Variants in MYRIP observed in about 807,000 individuals in gnomAD.
MYRIP encodes the protein rab effector MyRIP.
MYRIP carries 49 observed loss-of-function variants against 98.0 expected under a neutral mutation model. The observed-to-expected ratio is 0.50, with a 90% CI of 0.40 to 0.63. The LOEUF is 0.63. Among genes scored for constraint, MYRIP ranks in the 30% least tolerant of loss-of-function variants. MYRIP has a pLI of 0.00. For synonymous variants in MYRIP, 404 were observed against 409.5 expected (o/e 0.99, Z 0.16); for missense variants, 1,004 against 1,058.2 (o/e 0.95, Z 0.71).
intron 16 of MYRIP, among the ~76,000 whole-genome samples, chr3:40,254,288 A>G (rs1953496791): frequency 1.3e-5 from 2 of 152,110 alleles, no homozygotes; most frequent in African/African-American, 4.8e-5. Context: ...GAAGTACACA[A>G]TTTTCATGTA....
chr3:40,176,438 T>C (rs995350747), intron 8 of MYRIP, among the ~76,000 whole-genome samples: 3 of 152,066 alleles, frequency 2.0e-5, no homozygotes, highest in Middle Eastern at 3.2e-3. Context: ...GAAGAAGACA[T>C]GAACAAACAG....
intron 3 of MYRIP, among the ~76,000 whole-genome samples, chr3:40,100,402 T>C (rs985902157): frequency 1.3e-5 from 2 of 152,200 alleles, no homozygotes; most frequent in African/African-American, 2.4e-5. Context: ...ATTTTGTACA[T>C]TTTTTAGCAT....
chr3:39,981,100 T>C (rs1231333449), intron 2 of MYRIP, among the ~76,000 whole-genome samples: 1 of 152,216 alleles, frequency 6.6e-6, no homozygotes, highest in East Asian at 1.9e-4. Flanking sequence ...TGGAATTTTG[T>C]ATTAGGTTAA....
At chr3:40,214,349 G>A (rs1466159365) in intron 11 of MYRIP, among the ~76,000 whole-genome samples, 5 of 152,206 alleles carry the variant, frequency 3.3e-5, no homozygotes, top group African/African-American at 4.8e-5. Context: ...GGATATGCCC[G>A]TAGACACAGT....
intron 2 of MYRIP, among the ~76,000 whole-genome samples, chr3:39,957,656 A>T (rs943939063): frequency 6.6e-6 from 1 of 152,158 alleles, no homozygotes; most frequent in East Asian, 1.9e-4. Context: ...CCTATTCAAC[A>T]TAGTGTTGGA....
rs545481106 is a variant in MYRIP at position 40,249,360 on chromosome 3, G to A, written c.2263-862G>A. ...TCCTCTCAGACTGTGGCAATGTGAC[G>A]AGAGCATGGCCACTGACATGAATTC... On this transcript the variant is annotated intron_variant, in intron 13 of 16. Coordinates refer to ENST00000302541, the MANE Select transcript of MYRIP (RefSeq NM_015460.4). Among the ~76,000 whole-genome samples the A allele has an allele frequency of 1.8e-3, 275 of 152,286 alleles. 1 individual carries two copies. The highest frequency in any genetic ancestry group is 0.017 in the Middle Eastern group (5 of 294).
chr3:40,253,044 T>C (rs1953430582), intron 16 of MYRIP, among the ~76,000 whole-genome samples: 1 of 152,186 alleles, frequency 6.6e-6, no homozygotes, highest in African/African-American at 2.4e-5. Flanking sequence ...GTAAGTAACA[T>C]GAAGACATTC....
Position 40,060,596 on chromosome 3 carries a change from T to TGAGAGAGAGAGAGAGAGA in MYRIP, c.332+16330_332+16347dup, listed in dbSNP as rs35495297. Reference sequence around the variant, plus strand: ...TAGATTTTCTTTTTTTTTCTTTTTTTGAGAGAGAGAGAGAGAGAGAGATTC... The same window carrying TGAGAGAGAGAGAGAGAGA: ...TAGATTTTCTTTTTTTTTCTTTTTTTGAGAGAGAGAGAGAGAGAGAGAGAGAGAGAGAGAGAGAGATTC... On this transcript the variant is annotated intron_variant, in intron 3 of 16. Transcript: ENST00000302541. Among the ~76,000 whole-genome samples, 1,259 of 138,836 alleles carry TGAGAGAGAGAGAGAGAGA rather than the reference T, an allele frequency of 9.1e-3. 20 individuals are homozygous for TGAGAGAGAGAGAGAGAGA. The highest frequency in any genetic ancestry group is 0.019 in the African/African-American group (728 of 37,418). 91.1% of individuals were successfully genotyped at this position (138,836 alleles called of 152,430 possible). A position where few individuals can be genotyped will look rare whatever the true frequency, so the allele number is the denominator to read the frequency against.
chr3:40,078,402 C>T (rs915139351), intron 3 of MYRIP, among the ~76,000 whole-genome samples: 3 of 152,200 alleles, frequency 2.0e-5, no homozygotes, highest in South Asian at 2.1e-4. Context: ...CCTCAAGTGC[C>T]GCCAAAGTGG....
At chr3:40,098,487 C>T (rs1948873459) in intron 3 of MYRIP, among the ~76,000 whole-genome samples, 1 of 152,180 alleles carries the variant, frequency 6.6e-6, no homozygotes, top group Non-Finnish European at 1.5e-5. Flanking sequence ...TGTTTATCTG[C>T]AGATCCTTTT....
rs576213902 is a variant in MYRIP at position 40,244,429 on chromosome 3, T to C, written c.2101-17T>C. 1.6e-5 allele frequency: 26 copies of C among 1,598,440 alleles called. No homozygotes were observed. In the African/African-American group the frequency reaches 2.3e-4, roughly 14 times the overall value. On this transcript the variant is annotated splice_polypyrimidine_tract_variant and intron_variant, in intron 12 of 16. Coordinates refer to ENST00000302541, the MANE Select transcript of MYRIP (RefSeq NM_015460.4). Reference sequence around the variant, plus strand: ...AAGTCTGCAGACATGAACTCAAATGTAGCACTGTCTCTACAGGTATACCTG... The same window carrying C: ...AAGTCTGCAGACATGAACTCAAATGCAGCACTGTCTCTACAGGTATACCTG...
At position 40,058,355 on chromosome 3, in the gene MYRIP, T is replaced by TA. The variant is rs959873348; in HGVS notation, c.332+14090dup. Among the ~76,000 whole-genome samples, 6 of 152,218 alleles carry TA rather than the reference T, an allele frequency of 3.9e-5. No homozygotes were observed. The South Asian group carries it at 1.0e-3, about 26-fold the overall frequency. ...TTTAAGTTTTGAAGTCCCTAGAAAC[T>TA]AAAAAATATGTGTAGAAGACTATAG... is the stretch of plus-strand genomic sequence containing the variant. On this transcript the variant is annotated intron_variant, in intron 3 of 16. Transcript: ENST00000302541.
chr3:39,822,103 G>A (rs1419103053), intron 1 of MYRIP, among the ~76,000 whole-genome samples: 1 of 152,112 alleles, frequency 6.6e-6, no homozygotes, highest in South Asian at 2.1e-4. Context: ...ATACCATTAT[G>A]AGAAACCCTC....
At chr3:40,116,964 C>T (rs1472244300) in intron 3 of MYRIP, among the ~76,000 whole-genome samples, 3 of 152,134 alleles carry the variant, frequency 2.0e-5, no homozygotes, top group African/African-American at 7.2e-5. Flanking sequence ...GGAGGCCCAA[C>T]CTCTGTGAAT....
At chr3:40,222,107 G>A (rs907753355) in intron 11 of MYRIP, among the ~76,000 whole-genome samples, 8 of 152,164 alleles carry the variant, frequency 5.3e-5, no homozygotes, top group South Asian at 2.1e-4. Context: ...TAATCGAAGC[G>A]GCAGTGTATA....
chr3:40,033,272 G>C (rs1257401095), intron 2 of MYRIP, among the ~76,000 whole-genome samples: 50 of 150,256 alleles, frequency 3.3e-4, no homozygotes, highest in Non-Finnish European at 5.9e-4. Context: ...AAAAGAGGAA[G>C]TCAAATTGTC....
chr3:40,072,404 A>G (rs2125860080), intron 3 of MYRIP, among the ~76,000 whole-genome samples: 1 of 152,114 alleles, frequency 6.6e-6, no homozygotes, highest in African/African-American at 2.4e-5. Flanking sequence ...AGACGGTTTC[A>G]CAATGCTGCC....
chr3:39,977,934 C>T (rs1328077182), intron 2 of MYRIP, among the ~76,000 whole-genome samples: 1 of 152,092 alleles, frequency 6.6e-6, no homozygotes, highest in Non-Finnish European at 1.5e-5. Flanking sequence ...GTCTGTGGAG[C>T]CCCTATTATA....
chr3:39,905,380 T>G (rs1943853635), intron 2 of MYRIP, among the ~76,000 whole-genome samples: 1 of 152,214 alleles, frequency 6.6e-6, no homozygotes, highest in Non-Finnish European at 1.5e-5. Flanking sequence ...AGTTTTCTGC[T>G]CTGAAATTGG....
Sources: allele counts gnomAD v4.1 joint callset (sites outside exome capture counted in the v4.1 genomes callset), GRCh38; gene constraint gnomAD v4.1.1; transcripts MANE v1.5; gene names NCBI Gene and HGNC (gene_info 2026-07-23, HGNC 2026-07-21).